Variants in DYNC2H1 observed in about 807,000 individuals in gnomAD.
DYNC2H1 encodes dynein cytoplasmic 2 heavy chain 1, also known as cytoplasmic dynein 2 heavy chain 1.
DYNC2H1 carries 410 observed loss-of-function variants against 570.0 expected under a neutral mutation model. The ratio of observed to expected loss-of-function variants is 0.72; its 90% confidence interval spans 0.66 to 0.78. The LOEUF is 0.78. DYNC2H1 is among the 30% of genes least tolerant of loss of function. The pLI is 0.00. For synonymous variants in DYNC2H1, 1,688 were observed against 1,677.6 expected, an observed-to-expected ratio of 1.01 and a Z score of -0.15; for missense variants, 4,865 against 5,046.4, an observed-to-expected ratio of 0.96 and a Z score of 1.09.
At chr11:103,194,989 A>G (rs1481696753) in intron 47 of DYNC2H1, among the ~76,000 whole-genome samples, 2 of 152,174 alleles carry the variant, frequency 1.3e-5, no homozygotes, top group Admixed American at 1.3e-4. Context: ...AAGTGCTGGG[A>G]TTACAGGCAT....
chr11:103,152,122 T>TTC lies in DYNC2H1; in HGVS notation c.2947-13_2947-12insCT. The TTC allele has an allele frequency of 1.3e-6, 2 of 1,582,282 alleles. No homozygotes were observed. The highest frequency in any genetic ancestry group is 1.7e-6 in the Non-Finnish European group (2 of 1,165,582). ...GGTTGTTATTCAATTTGTTTTTTTT[T>TTC]TTTTAACCTTTAGATTTTGCCCTTA... On this transcript the variant is annotated splice_polypyrimidine_tract_variant and intron_variant, in intron 20 of 88. Coordinates refer to ENST00000375735, the MANE Select transcript of DYNC2H1 (RefSeq NM_001377.3).
intron 31 of DYNC2H1, among the ~76,000 whole-genome samples, chr11:103,167,330 A>G (rs1289570011): frequency 6.6e-6 from 1 of 151,002 alleles, no homozygotes; most frequent in Non-Finnish European, 1.5e-5. Context: ...TGCAGTGGTG[A>G]GACTGTGGCT....
At chr11:103,308,586 A>T (rs1427336683) in intron 78 of DYNC2H1, among the ~76,000 whole-genome samples, 1 of 152,114 alleles carries the variant, frequency 6.6e-6, no homozygotes, top group African/African-American at 2.4e-5. Flanking sequence ...ACTGTTTTTC[A>T]TAGTGGCTAC....
In DYNC2H1 at chr11:103,251,539, T is replaced by C. The variant is rs569519171; in HGVS notation, c.10043-1746T>C. Among the ~76,000 whole-genome samples, 87 of 152,284 alleles carry C rather than the reference T, an allele frequency of 5.7e-4. 1 individual carries two copies. The South Asian group carries it at 0.017, about 30-fold the overall frequency. On this transcript the variant is annotated intron_variant, in intron 65 of 88. Transcript: ENST00000375735. ...TTACACAGCTAGCCCCCTTTTTGTGTGTCAAGAGCAGCTAAACTCTACTCC... is the reference window on the plus strand; with the variant it reads ...TTACACAGCTAGCCCCCTTTTTGTGCGTCAAGAGCAGCTAAACTCTACTCC...
chr11:103,474,767 A>G (rs1249402836), intron 88 of DYNC2H1, among the ~76,000 whole-genome samples: 3 of 152,180 alleles, frequency 2.0e-5, no homozygotes, highest in East Asian at 1.9e-4. Flanking sequence ...CTAGATATGT[A>G]TGTTTAGGAA....
In DYNC2H1 at chr11:103,259,964, G is replaced by T. The variant is rs537897098; in HGVS notation, c.10682G>T (p.Arg3561Leu). 1.3e-6 allele frequency: 2 copies of T among 1,495,878 alleles called. No individual in the cohort carries two copies. Among genetic ancestry groups the T allele is most frequent in the Admixed American group, 2.1e-5 (1 of 47,708 alleles). 92.7% of individuals were successfully genotyped at this position (1,495,878 alleles called of 1,614,324 possible). Residue 3561 changes from arginine (R) to leucine (L), a missense_variant, in exon 70 of 89, where the codon CGT becomes CTT. Arg to Leu is a moderately radical substitution (Grantham distance 102, BLOSUM62 -2). This residue lies in a region of DYNC2H1 where 2,401 missense variants were observed against 2,454.6 expected (regional missense o/e 0.98). Coordinates refer to ENST00000375735, the MANE Select transcript of DYNC2H1 (RefSeq NM_001377.3). ...LQHMVYEYIC[R>L]CLFKADQLMF... ...CATATGGTATATGAATATATATGTC[G>T]TTGTCTATTTAAGGTAAGAAGCATC...
intron 79 of DYNC2H1, among the ~76,000 whole-genome samples, chr11:103,315,463 T>A (rs1452645966): frequency 6.6e-6 from 1 of 152,140 alleles, no homozygotes; most frequent in Non-Finnish European, 1.5e-5. Context: ...AAGAATGACA[T>A]CATCCATCAT....
chr11:103,188,692 C>A (rs1364583988), intron 44 of DYNC2H1, 44 bp downstream of exon 44: 2 of 1,350,370 alleles, frequency 1.5e-6, no homozygotes, highest in Non-Finnish European at 1.9e-6. Context: ...GGGAAGATAT[C>A]ATATATAAAT....
rs1864583528 is a variant in DYNC2H1 at position 103,245,582 on chromosome 11, A to T, written c.10042+208A>T. Among the ~76,000 whole-genome samples, 1 of 152,090 alleles carries T rather than the reference A, an allele frequency of 6.6e-6. No homozygotes were observed. The highest frequency in any genetic ancestry group is 1.5e-5 in the Non-Finnish European group (1 of 67,988). On this transcript the variant is annotated intron_variant, in intron 65 of 88. Transcript: ENST00000375735. This position sits in a 1 kb window ranked among gnomAD's most constrained non-coding sequence, Gnocchi z 4.5. ...AGTAGAGACCTAGTACCCATAGTTT[A>T]CTGGGGGTTGATTACGTAAGCACAC...
chr11:103,170,871 AT>A lies in DYNC2H1; in HGVS notation c.5152-13del. On this transcript the variant is annotated splice_polypyrimidine_tract_variant and intron_variant, in intron 33 of 88. Transcript: ENST00000375735. This position sits in a 1 kb window ranked among gnomAD's most constrained non-coding sequence, Gnocchi z 4.8. The stretch of plus-strand genomic sequence containing the variant: ...TTATTTTTTAATGACTATAATTTTT[AT>A]TGTTGTTTTTAAGGGCATCGATGTG... 2.8e-6 allele frequency: 4 copies of A among 1,448,254 alleles called. No individual in the cohort carries two copies. The highest frequency in any genetic ancestry group is 3.7e-6 in the Non-Finnish European group (4 of 1,090,948). The allele number at this position is 1,448,254 out of a possible 1,614,324, so 89.7% of individuals were successfully genotyped here.
intron 83 of DYNC2H1, among the ~76,000 whole-genome samples, chr11:103,362,310 T>TA (rs1429160788): frequency 2.2e-5 from 3 of 139,104 alleles, no homozygotes; most frequent in Admixed American, 1.5e-4. Context: ...TTAAATATAT[T>TA]AATTTTTTTC....
chr11:103,218,458 A>G (rs935530587), intron 55 of DYNC2H1, among the ~76,000 whole-genome samples: 6 of 152,204 alleles, frequency 3.9e-5, no homozygotes, highest in African/African-American at 1.4e-4. Context: ...ATTTTGGAAC[A>G]AAATTAATAT....
intron 84 of DYNC2H1, among the ~76,000 whole-genome samples, chr11:103,425,151 C>A (rs1943622350): frequency 1.3e-5 from 2 of 152,130 alleles, no homozygotes; most frequent in African/African-American, 4.8e-5. Context: ...GTTGGCCAGG[C>A]TGTTTTTGAA....
chr11:103,138,174 C>G (rs1391181491), intron 17 of DYNC2H1, among the ~76,000 whole-genome samples: 1 of 152,138 alleles, frequency 6.6e-6, no homozygotes, highest in Non-Finnish European at 1.5e-5. Flanking sequence ...CATCTGCAAA[C>G]AGGGACAATT....
At chr11:103,411,924 ATTCT>A (rs1943104886) in intron 84 of DYNC2H1, among the ~76,000 whole-genome samples, 1 of 152,162 alleles carries the variant, frequency 6.6e-6, no homozygotes, top group African/African-American at 2.4e-5. Flanking sequence ...ATTTGTTAAA[ATTCT>A]TTCAAAGTAT....
intron 82 of DYNC2H1, among the ~76,000 whole-genome samples, chr11:103,338,841 T>C (rs1220939902): frequency 6.6e-6 from 1 of 152,220 alleles, no homozygotes; most frequent in Non-Finnish European, 1.5e-5. Flanking sequence ...GTCTGTTTGG[T>C]GAGGTCATGT....
rs1436562736 is a variant in DYNC2H1, at chr11:103,245,613, C to T, written c.10042+239C>T. Among the ~76,000 whole-genome samples the T allele has an allele frequency of 1.3e-5, 2 of 152,072 alleles. No homozygotes were observed. The highest frequency in any genetic ancestry group is 4.8e-5 in the African/African-American group (2 of 41,440). ...GGTTGATTACGTAAGCACACTCTCC[C>T]TAGCACATTACAAAATTCTAGACCC... On this transcript the variant is annotated intron_variant, in intron 65 of 88. Coordinates refer to ENST00000375735, the MANE Select transcript of DYNC2H1 (RefSeq NM_001377.3). This position sits in a 1 kb window ranked among gnomAD's most constrained non-coding sequence, Gnocchi z 4.5.
chr11:103,176,500 C>T, intron 37 of DYNC2H1, 66 bp downstream of exon 37: 5 of 1,210,580 alleles, frequency 4.1e-6, no homozygotes, highest in Non-Finnish European at 5.4e-6. Flanking sequence ...ATTAACTATC[C>T]TTGTCCTTCA....
chr11:103,236,557 AT>A lies in DYNC2H1; in HGVS notation c.9819+25del, dbSNP rs748459541. 4.5e-5 allele frequency: 60 copies of A among 1,336,254 alleles called. No individual in the cohort carries two copies. The highest frequency in any genetic ancestry group is 5.8e-5 in the Non-Finnish European group (55 of 952,444). 82.8% of individuals were successfully genotyped at this position (1,336,254 alleles called of 1,614,324 possible). On this transcript the variant is annotated intron_variant, in intron 63 of 88. Coordinates refer to ENST00000375735, the MANE Select transcript of DYNC2H1 (RefSeq NM_001377.3). ...TATTACAGGTAGTTAATTTATTTTA[AT>A]TTTTTTATTAGAAATGTTTTATTGT...
Sources: allele counts gnomAD v4.1 joint callset (sites outside exome capture counted in the v4.1 genomes callset), GRCh38; gene constraint gnomAD v4.1.1; regional missense constraint gnomAD v4.1.1; non-coding constraint Gnocchi (gnomAD v3.1); transcripts MANE v1.5; gene names NCBI Gene and HGNC (gene_info 2026-07-23, HGNC 2026-07-21).